Variants in SRD5A2 observed in about 807,000 individuals in gnomAD.
SRD5A2 encodes the protein 3-oxo-5-alpha-steroid 4-dehydrogenase 2.
SRD5A2 carries 30 observed loss-of-function variants against 27.4 expected under a neutral mutation model. That is an observed-to-expected ratio of 1.10 (90% confidence interval 0.82 to 1.49). The LOEUF is 1.49. Ranked by LOEUF, SRD5A2 falls within the 40% of genes most tolerant of loss-of-function variation. The pLI is 0.00. For missense variants in SRD5A2, 348 were observed against 323.4 expected (o/e 1.08, Z -0.58); for synonymous variants, 141 against 133.6 (o/e 1.06, Z -0.38).
intron 1 of SRD5A2, among the ~76,000 whole-genome samples, chr2:31,572,510 T>A (rs1666872950): frequency 6.6e-6 from 1 of 152,152 alleles, no homozygotes; most frequent in Non-Finnish European, 1.5e-5. Context: ...AGTCACAAAC[T>A]GAGAGAAAAT....
intron 2 of SRD5A2, among the ~76,000 whole-genome samples, chr2:31,532,058 C>G (rs1665919948): frequency 6.6e-6 from 1 of 152,086 alleles, no homozygotes; most frequent in Non-Finnish European, 1.5e-5. Context: ...GATGTAATGC[C>G]TTGAGCTACA....
upstream of SRD5A2, among the ~76,000 whole-genome samples, chr2:31,583,652 C>CAAAAAAAAAACAAAAAAAAAAAAA (rs1352139998): frequency 4.8e-5 from 1 of 20,920 alleles, no homozygotes; most frequent in African/African-American, 1.3e-4. Context: ...AAAAAAAAAC[C>CAAAAAAAAAACAAAAAAAAAAAAA]AAAAAAAAAG....
chr2:31,538,894 G>T (rs1201246473), intron 1 of SRD5A2, among the ~76,000 whole-genome samples: 1 of 152,150 alleles, frequency 6.6e-6, no homozygotes, highest in East Asian at 1.9e-4. Context: ...TATCTATTTT[G>T]TTCATCACTA....
chr2:31,596,394 A>G, the SRD5A2 span, among the ~76,000 whole-genome samples: 1 of 151,346 alleles, frequency 6.6e-6, no homozygotes, highest in Non-Finnish European at 1.5e-5. Context: ...CCAAAAAAAA[A>G]AAAAAAAAAA....
chr2:31,548,363 C>A (rs59894106), intron 1 of SRD5A2, among the ~76,000 whole-genome samples: 59,581 of 151,904 alleles, frequency 0.39, 12,064 homozygotes, highest in Non-Finnish European at 0.44. Flanking sequence ...AGATTGACAT[C>A]CAGAATATAT....
the SRD5A2 span, among the ~76,000 whole-genome samples, chr2:31,614,005 G>T: frequency 6.6e-6 from 1 of 152,140 alleles, no homozygotes; most frequent in Non-Finnish European, 1.5e-5. Context: ...ATAAGATTTG[G>T]GTGGGAACAC....
intron 1 of SRD5A2, among the ~76,000 whole-genome samples, chr2:31,552,472 C>T (rs549351835): frequency 1.3e-5 from 2 of 151,974 alleles, no homozygotes; most frequent in East Asian, 3.9e-4. Context: ...TAGTTTGGAC[C>T]CCTCGGTCAA....
the SRD5A2 span, among the ~76,000 whole-genome samples, chr2:31,590,911 C>A: frequency 6.6e-6 from 1 of 152,184 alleles, no homozygotes; most frequent in Non-Finnish European, 1.5e-5. Flanking sequence ...GGATCCCTTC[C>A]TTACACTTTA....
chr2:31,649,593 CT>C, the SRD5A2 span, among the ~76,000 whole-genome samples: 1 of 151,992 alleles, frequency 6.6e-6, no homozygotes, highest in Admixed American at 6.6e-5. Context: ...ACTGGGATAA[CT>C]TTTTTATAAT....
At chr2:31,608,659 T>C in the SRD5A2 span, among the ~76,000 whole-genome samples, 1 of 151,800 alleles carries the variant, frequency 6.6e-6, no homozygotes, top group African/African-American at 2.4e-5. Context: ...ACAAAAACAA[T>C]CCATTTACAA....
At position 31,570,627 on chromosome 2, in the gene SRD5A2, C is replaced by T. The variant is rs144909617; in HGVS notation, c.281+9993G>A. 9.5e-3 allele frequency among the ~76,000 whole-genome samples: 1,443 copies of T among 152,242 alleles called. 11 individuals are homozygous for T. Among genetic ancestry groups the T allele is most frequent in the Admixed American group, 0.015 (237 of 15,298 alleles). On this transcript the variant is annotated intron_variant, in intron 1 of 4. Transcript: ENST00000622030. ...GATGTGATTCTATACCTGGAACACCCCATAGTCTCTTCCCAAAAGCTTCTT... is the reference window on the plus strand; with the variant it reads ...GATGTGATTCTATACCTGGAACACCTCATAGTCTCTTCCCAAAAGCTTCTT...
At chr2:31,611,125 TA>T in the SRD5A2 span, among the ~76,000 whole-genome samples, 1 of 151,546 alleles carries the variant, frequency 6.6e-6, no homozygotes, top group South Asian at 2.1e-4. Context: ...TAATAATAAT[TA>T]AAAAAAGATA....
chr2:31,597,106 G>A, the SRD5A2 span, among the ~76,000 whole-genome samples: 1 of 151,942 alleles, frequency 6.6e-6, no homozygotes, highest in Non-Finnish European at 1.5e-5. Context: ...CTACAGTCAT[G>A]GTACTGATTT....
Position 31,526,163 on chromosome 2 carries a change from G to A in SRD5A2, c.*33C>T, listed in dbSNP as rs953584902. On this transcript the variant is annotated 3_prime_UTR_variant, in exon 5 of 5. Coordinates refer to ENST00000622030, the MANE Select transcript of SRD5A2 (RefSeq NM_000348.4). ...CAGCTTGACAGTTTTCATCAGCATTGTGGGAGCTCTGCTCCTTTTTAATTT... is the reference window on the plus strand; with the variant it reads ...CAGCTTGACAGTTTTCATCAGCATTATGGGAGCTCTGCTCCTTTTTAATTT... 5.0e-6 allele frequency: 7 copies of A among 1,401,740 alleles called. No individual in the cohort carries two copies. The highest frequency in any genetic ancestry group is 6.9e-6 in the Non-Finnish European group (7 of 1,008,704). The allele number at this position is 1,401,740 out of a possible 1,614,324, so 86.8% of individuals were successfully genotyped here.
the SRD5A2 span, among the ~76,000 whole-genome samples, chr2:31,637,016 C>A: frequency 6.6e-6 from 1 of 151,954 alleles, no homozygotes; most frequent in Non-Finnish European, 1.5e-5. Context: ...TCCTTCTTTT[C>A]CATTTTTTTG....
chr2:31,636,572 G>T, the SRD5A2 span, among the ~76,000 whole-genome samples: 1 of 152,010 alleles, frequency 6.6e-6, no homozygotes, highest in Non-Finnish European at 1.5e-5. Flanking sequence ...TAGAGGAAAG[G>T]TCTTCACATT....
rs983642531 is a variant in SRD5A2 at position 31,524,281 on chromosome 2, T to C, written c.*1915A>G. The stretch of plus-strand genomic sequence containing the variant: ...ACCTGAAGATTTACTTCACCAAGTG[T>C]GTTCATTCCCCCTGTGTATTCCTCA... On this transcript the variant is annotated 3_prime_UTR_variant, in exon 5 of 5. Coordinates refer to ENST00000622030, the MANE Select transcript of SRD5A2 (RefSeq NM_000348.4). 2.2e-5 allele frequency: 5 copies of C among 227,726 alleles called. No individual in the cohort carries two copies. The highest frequency in any genetic ancestry group is 3.5e-5 in the Non-Finnish European group (4 of 114,684). 14.1% of individuals were successfully genotyped at this position (227,726 alleles called of 1,614,324 possible).
At chr2:31,658,563 A>T in the SRD5A2 span, among the ~76,000 whole-genome samples, 12,447 of 152,090 alleles carry the variant, frequency 0.082, 572 homozygotes, top group Middle Eastern at 0.12. Flanking sequence ...AAATAAAAAA[A>T]AAAAATCCTC....
chr2:31,573,402 G>A (rs1057147795), intron 1 of SRD5A2, among the ~76,000 whole-genome samples: 2 of 152,170 alleles, frequency 1.3e-5, no homozygotes, highest in South Asian at 2.1e-4. Context: ...CTCGTTAAAG[G>A]CTCCTGGGTT....
Sources: gnomAD v4.1 joint callset for allele counts (sites outside exome capture counted in the v4.1 genomes callset) on GRCh38, gnomAD v4.1.1 for gene constraint, MANE v1.5 for transcripts, NCBI Gene and HGNC (gene_info 2026-07-23, HGNC 2026-07-21) for gene names.